Variants in PSMA8 observed in about 807,000 individuals in gnomAD.
PSMA8 encodes the protein proteasome 20S subunit alpha 8, also known as proteasome subunit alpha-type 8.
A neutral mutation model predicts 32.4 loss-of-function variants in PSMA8; 18 were observed. That is an observed-to-expected ratio of 0.56 (90% CI 0.38 to 0.82). PSMA8 has a LOEUF of 0.82. PSMA8 is among the 40% of genes least tolerant of loss of function. The pLI is 0.00. For missense variants in PSMA8, 298 were observed against 300.7 expected (o/e 0.99, Z 0.07); for synonymous variants, 104 against 98.1 (o/e 1.06, Z -0.36).
At chr18:26,159,478 T>G (rs1186163640) in intron 4 of PSMA8, among the ~76,000 whole-genome samples, 1 of 152,128 alleles carries the variant, frequency 6.6e-6, no homozygotes, top group Non-Finnish European at 1.5e-5. Flanking sequence ...ACTAGATTTC[T>G]TGTCTCCTAA....
intron 2 of PSMA8, among the ~76,000 whole-genome samples, chr18:26,146,386 C>T (rs80234819): frequency 6.6e-6 from 1 of 151,994 alleles, no homozygotes; most frequent in South Asian, 2.1e-4. Context: ...AAATTAAAAC[C>T]TCATTCAGAA....
At chr18:26,146,730 T>A (rs1026960768) in intron 2 of PSMA8, among the ~76,000 whole-genome samples, 2 of 152,216 alleles carry the variant, frequency 1.3e-5, no homozygotes, top group African/African-American at 2.4e-5. Context: ...ACCACTGCAT[T>A]CCAGTCCAGG....
intron 2 of PSMA8, among the ~76,000 whole-genome samples, chr18:26,150,633 T>C (rs1164015717): frequency 2.6e-5 from 4 of 152,248 alleles, no homozygotes; most frequent in African/African-American, 7.2e-5. Flanking sequence ...AAATAGAATT[T>C]GTTCTCTGCT....
intron 2 of PSMA8, among the ~76,000 whole-genome samples, chr18:26,149,333 G>A (rs964704102): frequency 3.3e-5 from 5 of 152,192 alleles, no homozygotes; most frequent in South Asian, 4.2e-4. Flanking sequence ...AAGACATCCC[G>A]CATTCATGGA....
chr18:26,191,649 G>T (rs1259910086), intron 6 of PSMA8, among the ~76,000 whole-genome samples: 1 of 151,464 alleles, frequency 6.6e-6, no homozygotes, highest in African/African-American at 2.4e-5. Context: ...GAAAAAAAAA[G>T]AAAAAGAAAA....
chr18:26,180,706 A>T (rs2055304104), intron 6 of PSMA8, among the ~76,000 whole-genome samples: 1 of 151,658 alleles, frequency 6.6e-6, no homozygotes, highest in Non-Finnish European at 1.5e-5. Context: ...ACACACACAC[A>T]CACACACACA....
chr18:26,148,513 C>T lies in PSMA8; in HGVS notation c.230-3345C>T, dbSNP rs553318852. 1.2e-3 allele frequency among the ~76,000 whole-genome samples: 180 copies of T among 152,090 alleles called. 1 individual carries two copies. The highest frequency in any genetic ancestry group is 4.0e-3 in the African/African-American group (168 of 41,492). ...CAAACTAGAAATAAAAGGAAATCAC[C>T]ACAACATAATTCAGGCTATCTATGT... On this transcript the variant is annotated intron_variant, in intron 2 of 6. Coordinates refer to ENST00000415576, the MANE Select transcript of PSMA8 (RefSeq NM_001025096.2).
chr18:26,178,467 T>C (rs1387424842), intron 4 of PSMA8, among the ~76,000 whole-genome samples: 1 of 152,064 alleles, frequency 6.6e-6, no homozygotes, highest in Non-Finnish European at 1.5e-5. Context: ...AGTGTGGTGA[T>C]GCATACCTGT....
intron 2 of PSMA8, among the ~76,000 whole-genome samples, chr18:26,149,219 A>G (rs2055026546): frequency 6.6e-6 from 1 of 152,208 alleles, no homozygotes; most frequent in African/African-American, 2.4e-5. Flanking sequence ...AATAGCATCA[A>G]AAAGAATAAA....
chr18:26,171,318 G>C lies in PSMA8; in HGVS notation c.478-7512G>C, dbSNP rs2055218854. 1.0e-5 allele frequency: 15 copies of C among 1,485,090 alleles called. 1 individual carries two copies. The highest frequency in any genetic ancestry group is 1.8e-4 in the Middle Eastern group (1 of 5,628). The allele number at this position is 1,485,090 out of a possible 1,614,324, so 92.0% of individuals were successfully genotyped here. A position where few individuals can be genotyped will look rare whatever the true frequency, so the allele number is the denominator to read the frequency against. On this transcript the variant is annotated intron_variant, in intron 4 of 6. Coordinates refer to ENST00000415576, the MANE Select transcript of PSMA8 (RefSeq NM_001025096.2). ...AGCGGGAGGACCTCCGAGCCCGCTC[G>C]TTACAGCAGAACGCGCGGTCAAGTT... is the stretch of plus-strand genomic sequence containing the variant.
At chr18:26,146,582 G>A (rs2055005210) in intron 2 of PSMA8, among the ~76,000 whole-genome samples, 1 of 151,316 alleles carries the variant, frequency 6.6e-6, no homozygotes. Context: ...TGAGCAACAT[G>A]GTGAAACTTC....
chr18:26,160,754 T>C (rs2055129000), intron 4 of PSMA8, among the ~76,000 whole-genome samples: 1 of 152,216 alleles, frequency 6.6e-6, no homozygotes, highest in African/African-American at 2.4e-5. Context: ...GTTATGAACA[T>C]AAACTGTCGC....
At chr18:26,169,183 T>C (rs1598661058) in intron 4 of PSMA8, among the ~76,000 whole-genome samples, 1 of 131,616 alleles carries the variant, frequency 7.6e-6, no homozygotes, top group East Asian at 2.2e-4. Flanking sequence ...GGCTTCGCCA[T>C]GTTGCCCAAG....
At chr18:26,162,835 CA>C (rs1469438645) in intron 4 of PSMA8, among the ~76,000 whole-genome samples, 1 of 151,970 alleles carries the variant, frequency 6.6e-6, no homozygotes, top group Non-Finnish European at 1.5e-5. Context: ...CACTGCACTC[CA>C]GCTTGGACAA....
intron 6 of PSMA8, among the ~76,000 whole-genome samples, chr18:26,189,529 T>C (rs1316757964): frequency 6.6e-6 from 1 of 151,450 alleles, no homozygotes; most frequent in African/African-American, 2.4e-5. Flanking sequence ...CAAGACCCCA[T>C]CTCCAAAAAA....
In PSMA8 at chr18:26,192,526, T is replaced by C. The variant is rs138505570; in HGVS notation, c.*115T>C. The C allele has an allele frequency of 2.4e-5, 30 of 1,234,714 alleles. No homozygotes were observed. The Middle Eastern group carries it at 6.1e-4, about 25-fold the overall frequency. The allele number at this position is 1,234,714 out of a possible 1,614,324, so 76.5% of individuals were successfully genotyped here. A position where few individuals can be genotyped will look rare whatever the true frequency, so the allele number is the denominator to read the frequency against. On this transcript the variant is annotated 3_prime_UTR_variant, in exon 7 of 7. Coordinates refer to ENST00000415576, the MANE Select transcript of PSMA8 (RefSeq NM_001025096.2). ...TTTGCAGCATTACATGCAGTACTTG[T>C]GTGATGTTTTGAGAATGCCAGATCT...
At chr18:26,179,408 A>G (rs1171830601) in intron 6 of PSMA8, among the ~76,000 whole-genome samples, 1 of 151,790 alleles carries the variant, frequency 6.6e-6, no homozygotes, top group Admixed American at 6.6e-5. Context: ...TGGGATTACA[A>G]CTGTGAGCCA....
chr18:26,158,783 T>C (rs986895562), intron 4 of PSMA8, among the ~76,000 whole-genome samples: 25 of 152,170 alleles, frequency 1.6e-4, no homozygotes, highest in Non-Finnish European at 3.2e-4. Context: ...GTAATGACTT[T>C]GTTTAATGGT....
chr18:26,161,688 T>C (rs2055136905), intron 4 of PSMA8, among the ~76,000 whole-genome samples: 1 of 152,120 alleles, frequency 6.6e-6, no homozygotes, highest in African/African-American at 2.4e-5. Context: ...TAGTGCACTA[T>C]GATCATGCCT....
Sources: gnomAD v4.1 joint callset for allele counts (sites outside exome capture counted in the v4.1 genomes callset) on GRCh38, gnomAD v4.1.1 for gene constraint, MANE v1.5 for transcripts, NCBI Gene and HGNC (gene_info 2026-07-23, HGNC 2026-07-21) for gene names.